Variants in HS1BP3 observed in about 807,000 individuals in gnomAD.
HS1BP3 encodes HCLS1-binding protein 3.
Under a neutral mutation model 33.5 loss-of-function variants are expected in HS1BP3, and 32 were observed. The ratio of observed to expected loss-of-function variants is 0.95; its 90% CI spans 0.72 to 1.28. The LOEUF (loss-of-function observed/expected upper bound fraction) is 1.28. Among genes scored for constraint, HS1BP3 ranks in the 50% most tolerant of loss-of-function variants. The pLI, the probability that HS1BP3 is intolerant of heterozygous loss-of-function variation, is 0.00. For missense variants in HS1BP3, 486 were observed against 502.3 expected (o/e 0.97, Z 0.31); for synonymous variants, 187 against 209.2 (o/e 0.89, Z 0.92).
intron 6 of HS1BP3, among the ~76,000 whole-genome samples, chr2:20,621,777 G>A (rs113571376): frequency 4.3e-4 from 65 of 152,370 alleles, no homozygotes; most frequent in African/African-American, 1.5e-3. Context: ...CCAGGTGGGT[G>A]GTGTACACGG....
At chr2:20,565,107 G>A (rs931153579) in intron 5 of HS1BP3, among the ~76,000 whole-genome samples, 1 of 152,200 alleles carries the variant, frequency 6.6e-6, no homozygotes, top group African/African-American at 2.4e-5. Context: ...CCCAGCAGCA[G>A]GTCCAACAGT....
chr2:20,589,255 C>T (rs1693753578), downstream of HS1BP3, among the ~76,000 whole-genome samples: 1 of 152,236 alleles, frequency 6.6e-6, no homozygotes, highest in South Asian at 2.1e-4. Flanking sequence ...CCAGGGCCTT[C>T]ACCGTCCAAC....
intron 5 of HS1BP3, among the ~76,000 whole-genome samples, chr2:20,571,601 G>A (rs1693275986): frequency 6.6e-6 from 1 of 152,240 alleles, no homozygotes; most frequent in African/African-American, 2.4e-5. Context: ...GTCCTCCTGA[G>A]AAGAAGGGAC....
At chr2:20,584,722 C>T (rs1693638307) in intron 5 of HS1BP3, among the ~76,000 whole-genome samples, 1 of 152,160 alleles carries the variant, frequency 6.6e-6, no homozygotes, top group Non-Finnish European at 1.5e-5. Context: ...CTGAGTCATT[C>T]CTGGGTCCTG....
At chr2:20,574,459 C>A (rs780351287) in intron 5 of HS1BP3, among the ~76,000 whole-genome samples, 72 of 152,206 alleles carry the variant, frequency 4.7e-4, no homozygotes, top group Non-Finnish European at 9.1e-4. Flanking sequence ...TGGCTGCCTC[C>A]TTTTTCCCAC....
At chr2:20,568,203 GTGGTGC>G in intron 5 of HS1BP3, among the ~76,000 whole-genome samples, 1 of 152,322 alleles carries the variant, frequency 6.6e-6, no homozygotes, top group East Asian at 1.9e-4. Flanking sequence ...GAGGAGAAAG[GTGGTGC>G]TGGGGGGTGC....
At chr2:20,590,448 C>T (rs1323480419), downstream of HS1BP3, among the ~76,000 whole-genome samples, 7 of 152,170 alleles carry the variant, frequency 4.6e-5, no homozygotes, top group South Asian at 2.1e-4. Context: ...TGATGGGACC[C>T]GATGCCTCTG....
At chr2:20,636,609 G>A (rs1053591359) in intron 4 of HS1BP3, 8 of 152,216 alleles carry the variant, frequency 5.3e-5, no homozygotes, top group African/African-American at 1.4e-4. Context: ...CTTTCCAAAC[G>A]TTGAAATAGA....
downstream of HS1BP3, among the ~76,000 whole-genome samples, chr2:20,614,073 C>A (rs1572333612): frequency 6.6e-6 from 1 of 152,130 alleles, no homozygotes; most frequent in East Asian, 1.9e-4. Context: ...AGAGAAGACA[C>A]CGTGTGAAGA....
chr2:20,650,266 G>A (rs1218745098), intron 1 of HS1BP3, among the ~76,000 whole-genome samples: 2 of 152,072 alleles, frequency 1.3e-5, no homozygotes, highest in Non-Finnish European at 2.9e-5. Context: ...GGAGAGCAAG[G>A]GTGAAGTGTA....
At chr2:20,581,731 A>G (rs754374150) in intron 5 of HS1BP3, among the ~76,000 whole-genome samples, 1 of 152,208 alleles carries the variant, frequency 6.6e-6, no homozygotes. Flanking sequence ...AGGGTCTCAC[A>G]AGACTGTAAT....
At chr2:20,622,534 G>A in intron 6 of HS1BP3, 8 of 344,304 alleles carry the variant, frequency 2.3e-5, no homozygotes, top group South Asian at 1.8e-4. Flanking sequence ...TGCTTTTTGT[G>A]GCATTTCCCC....
downstream of HS1BP3, among the ~76,000 whole-genome samples, chr2:20,556,945 G>A (rs10207072): frequency 0.04 from 6,058 of 152,238 alleles, 403 homozygotes; most frequent in African/African-American, 0.14. Flanking sequence ...CCGCAGCTGG[G>A]ATTTCCTTTC....
At chr2:20,566,828 A>G (rs779661229) in intron 5 of HS1BP3, among the ~76,000 whole-genome samples, 1 of 151,760 alleles carries the variant, frequency 6.6e-6, no homozygotes. Context: ...GCTGGTCTCA[A>G]ACTCCTGACC....
chr2:20,629,680 G>A (rs968288775), intron 4 of HS1BP3, among the ~76,000 whole-genome samples: 2 of 152,242 alleles, frequency 1.3e-5, no homozygotes, highest in African/African-American at 2.4e-5. Flanking sequence ...TGGATGGATT[G>A]CAGGCATGTG....
chr2:20,565,253 G>A (rs1478069577), intron 5 of HS1BP3, among the ~76,000 whole-genome samples: 1 of 152,180 alleles, frequency 6.6e-6, no homozygotes, highest in Non-Finnish European at 1.5e-5. Context: ...CATACCCAGG[G>A]TGCAATTGCT....
intron 2 of HS1BP3, among the ~76,000 whole-genome samples, chr2:20,609,858 C>A (rs1272966483): frequency 6.6e-6 from 1 of 152,064 alleles, no homozygotes; most frequent in Non-Finnish European, 1.5e-5. Flanking sequence ...CAGTTTTTCC[C>A]ATTTACTGGA....
downstream of HS1BP3, among the ~76,000 whole-genome samples, chr2:20,617,230 C>A (rs1469573279): frequency 6.6e-6 from 1 of 152,174 alleles, no homozygotes; most frequent in African/African-American, 2.4e-5. Flanking sequence ...CCATCCCCTC[C>A]CCACTCCTAC....
intron 1 of HS1BP3, among the ~76,000 whole-genome samples, chr2:20,646,778 G>A (rs1477398923): frequency 6.6e-6 from 1 of 152,252 alleles, no homozygotes; most frequent in African/African-American, 2.4e-5. Flanking sequence ...GAGGAGGAAG[G>A]TGAGGCTGGA....
Sources: allele counts gnomAD v4.1 joint callset (sites outside exome capture counted in the v4.1 genomes callset), GRCh38; gene constraint gnomAD v4.1.1; transcripts MANE v1.5; gene names NCBI Gene and HGNC (gene_info 2026-07-23, HGNC 2026-07-21).